Variants in GRIA1 observed in about 807,000 individuals in gnomAD.
GRIA1 encodes the protein glutamate receptor 1.
A neutral mutation model predicts 99.2 loss-of-function variants in GRIA1; 31 were observed. The observed-to-expected ratio is 0.31, with a 90% CI of 0.23 to 0.42. GRIA1 has a LOEUF of 0.42. GRIA1 is among the 10% of genes least tolerant of loss of function. The pLI is 1.00. For synonymous variants in GRIA1, 438 were observed against 432.4 expected (o/e 1.01, Z -0.16); for missense variants, 782 against 1,157.5 (o/e 0.68, Z 4.71).
chr5:153,511,703 G>C (rs1165545773), intron 2 of GRIA1, among the ~76,000 whole-genome samples: 1 of 152,204 alleles, frequency 6.6e-6, no homozygotes, highest in African/African-American at 2.4e-5. Context: ...GTAGCAGCCA[G>C]GTCACGATGC....
intron 2 of GRIA1, among the ~76,000 whole-genome samples, chr5:153,611,272 A>C (rs1413473814): frequency 6.6e-6 from 1 of 152,226 alleles, no homozygotes; most frequent in Non-Finnish European, 1.5e-5. Flanking sequence ...TTAAACCATT[A>C]GTAGTTATTA....
At chr5:153,656,806 T>C (rs1365245364) in intron 5 of GRIA1, among the ~76,000 whole-genome samples, 1 of 152,166 alleles carries the variant, frequency 6.6e-6, no homozygotes, top group Admixed American at 6.6e-5. Context: ...ATTTTAAAAT[T>C]CTTCATCACT....
At chr5:153,665,381 T>G (rs577647129) in intron 5 of GRIA1, among the ~76,000 whole-genome samples, 5 of 152,258 alleles carry the variant, frequency 3.3e-5, no homozygotes, top group African/African-American at 1.2e-4. Flanking sequence ...ACACGAATGC[T>G]TTTTTCTTCT....
In GRIA1 at chr5:153,698,856, T is replaced by A; in HGVS notation, c.1246-11T>A. On this transcript the variant is annotated splice_polypyrimidine_tract_variant and intron_variant, in intron 9 of 15. Transcript: ENST00000285900. ...AACCCACATTCTGCTATCTCCCCAT[T>A]TCTCTTCCAGGAAGATCCTTATGTG... 1 of 1,591,114 alleles carries A rather than the reference T, an allele frequency of 6.3e-7. No individual in the cohort carries two copies. The highest frequency in any genetic ancestry group is 8.6e-7 in the Non-Finnish European group (1 of 1,159,012).
At chr5:153,524,660 T>C (rs1391602988) in intron 2 of GRIA1, among the ~76,000 whole-genome samples, 1 of 152,246 alleles carries the variant, frequency 6.6e-6, no homozygotes, top group Non-Finnish European at 1.5e-5. Context: ...GGTTTGAAAG[T>C]GAAGCTGGTC....
intron 14 of GRIA1, among the ~76,000 whole-genome samples, chr5:153,801,944 A>C: frequency 1.5e-5 from 1 of 68,048 alleles, no homozygotes; most frequent in Admixed American, 2.2e-4. Context: ...CAACAGAGGA[A>C]ATTGGGGCGG....
chr5:153,592,330 T>C (rs1391797831), intron 2 of GRIA1, among the ~76,000 whole-genome samples: 1 of 152,154 alleles, frequency 6.6e-6, no homozygotes, highest in African/African-American at 2.4e-5. Context: ...TGAATTCTAC[T>C]ACTTCCAGCT....
chr5:153,575,566 C>T (rs1438230892), intron 2 of GRIA1, among the ~76,000 whole-genome samples: 1 of 152,194 alleles, frequency 6.6e-6, no homozygotes, highest in Non-Finnish European at 1.5e-5. Context: ...TATGAGGCTA[C>T]AAATCAGAGA....
In GRIA1 at chr5:153,636,144, A is replaced by T. The variant is rs147681988; in HGVS notation, c.221-10784A>T. Among the ~76,000 whole-genome samples the T allele has an allele frequency of 3.0e-4, 45 of 152,258 alleles. No homozygotes were observed. In the East Asian group the frequency reaches 6.6e-3, roughly 22 times the overall value. On this transcript the variant is annotated intron_variant, in intron 2 of 15. Coordinates refer to ENST00000285900, the MANE Select transcript of GRIA1 (RefSeq NM_000827.4). ...CACCATGAAAGAACCACAAGTGGAA[A>T]AGGAATACGTGGGCTCAGACGTGTG...
At chr5:153,734,241 G>C (rs1015284820) in intron 11 of GRIA1, among the ~76,000 whole-genome samples, 2 of 152,094 alleles carry the variant, frequency 1.3e-5, no homozygotes, top group Non-Finnish European at 2.9e-5. Flanking sequence ...CACAGTTCTG[G>C]CACCCAGTTC....
Position 153,490,871 on chromosome 5 carries a change from G to T in GRIA1, c.-18G>T, listed in dbSNP as rs530412703. On this transcript the variant is annotated 5_prime_UTR_variant, in exon 1 of 16. Transcript: ENST00000285900. ...ATGATTGGACCTGGGCTTCTTTTTC[G>T]CCAATGCAAAAAGGAATATGCAGCA... is the stretch of plus-strand genomic sequence containing the variant. 1.2e-6 allele frequency: 2 copies of T among 1,602,222 alleles called. No individual in the cohort carries two copies. Among genetic ancestry groups the T allele is most frequent in the South Asian group, 1.1e-5 (1 of 90,820 alleles).
intron 15 of GRIA1, among the ~76,000 whole-genome samples, chr5:153,807,719 T>A (rs1766535273): frequency 6.6e-6 from 1 of 152,190 alleles, no homozygotes; most frequent in Admixed American, 6.5e-5. Context: ...ATACATAACC[T>A]AAGACACATT....
chr5:153,751,747 A>G (rs1048309587), intron 11 of GRIA1, among the ~76,000 whole-genome samples: 4 of 152,236 alleles, frequency 2.6e-5, no homozygotes, highest in Admixed American at 2.6e-4. Flanking sequence ...AAACCCAGAG[A>G]ATGGTCCCAT....
At chr5:153,570,692 C>A (rs1227211884) in intron 2 of GRIA1, among the ~76,000 whole-genome samples, 1 of 152,104 alleles carries the variant, frequency 6.6e-6, no homozygotes, top group Non-Finnish European at 1.5e-5. Context: ...CTTCTCCAAG[C>A]CTCGGTTTTC....
chr5:153,802,715 G>A (rs1444401425), intron 15 of GRIA1, among the ~76,000 whole-genome samples: 1 of 152,126 alleles, frequency 6.6e-6, no homozygotes, highest in African/African-American at 2.4e-5. Context: ...GAAAAAAATT[G>A]CATTTGCCAG....
intron 2 of GRIA1, among the ~76,000 whole-genome samples, chr5:153,572,940 G>A (rs1318652087): frequency 6.6e-6 from 1 of 152,236 alleles, no homozygotes; most frequent in Non-Finnish European, 1.5e-5. Context: ...CTGGGCCCTT[G>A]TGAATGGGAA....
chr5:153,557,855 T>C (rs1760790821), intron 2 of GRIA1: 1 of 152,194 alleles, frequency 6.6e-6, no homozygotes, highest in African/African-American at 2.4e-5. Flanking sequence ...TCATCACCTA[T>C]AACACTGCCT....
intron 2 of GRIA1, among the ~76,000 whole-genome samples, chr5:153,512,347 T>C (rs529356092): frequency 6.6e-6 from 1 of 152,224 alleles, no homozygotes; most frequent in Non-Finnish European, 1.5e-5. Flanking sequence ...GTTCAGGTGG[T>C]TGAGGATATG....
intron 2 of GRIA1, among the ~76,000 whole-genome samples, chr5:153,601,673 G>A (rs1764976632): frequency 6.6e-6 from 1 of 152,204 alleles, no homozygotes; most frequent in Non-Finnish European, 1.5e-5. Flanking sequence ...CAAATTCTAG[G>A]AGCCTGAAAT....
Sources: gnomAD v4.1 joint callset for allele counts (sites outside exome capture counted in the v4.1 genomes callset) on GRCh38, gnomAD v4.1.1 for gene constraint, MANE v1.5 for transcripts, NCBI Gene and HGNC (gene_info 2026-07-23, HGNC 2026-07-21) for gene names.